The following LONP2 variants were observed in gnomAD, a reference collection of about 807,000 sequenced individuals.
The protein encoded by LONP2 is lon protease homolog 2, peroxisomal.
A neutral mutation model predicts 85.6 loss-of-function variants in LONP2; 60 were observed. That is an observed-to-expected ratio of 0.70 (90% confidence interval 0.57 to 0.87). The LOEUF (loss-of-function observed/expected upper bound fraction) is 0.87. Ranked by LOEUF, LONP2 falls within the 40% of genes least tolerant of loss-of-function variation. The pLI, the probability that LONP2 is intolerant of heterozygous loss-of-function variation, is 0.00. For synonymous variants in LONP2, 395 were observed against 389.7 expected, an observed-to-expected ratio of 1.01 and a Z score of -0.16; for missense variants, 860 against 1,063.5, an observed-to-expected ratio of 0.81 and a Z score of 2.66.
intron 4 of LONP2, among the ~76,000 whole-genome samples, chr16:48,259,313 T>C (rs867541067): frequency 6.6e-6 from 1 of 152,352 alleles, no homozygotes; most frequent in Middle Eastern, 3.4e-3. Flanking sequence ...ACAGCAGTTG[T>C]ATTTTTCCCT....
At chr16:48,331,084 G>T (rs1297603110) in intron 11 of LONP2, among the ~76,000 whole-genome samples, 1 of 152,230 alleles carries the variant, frequency 6.6e-6, no homozygotes, top group Non-Finnish European at 1.5e-5. Flanking sequence ...AAGCACCACA[G>T]ACTAGAGAAA....
At chr16:48,297,814 C>T (rs1383348765) in intron 9 of LONP2, among the ~76,000 whole-genome samples, 2 of 152,032 alleles carry the variant, frequency 1.3e-5, no homozygotes, top group Non-Finnish European at 2.9e-5. Flanking sequence ...ATTCTCTTGC[C>T]TCAGCCTCAC....
intron 11 of LONP2, among the ~76,000 whole-genome samples, chr16:48,315,020 C>T (rs563296840): frequency 6.6e-6 from 1 of 152,236 alleles, no homozygotes; most frequent in East Asian, 1.9e-4. Context: ...CTAGGACCTC[C>T]TGGGAAATGC....
chr16:48,310,665 C>G (rs1251477486), intron 11 of LONP2, among the ~76,000 whole-genome samples: 1 of 152,064 alleles, frequency 6.6e-6, no homozygotes, highest in East Asian at 1.9e-4. Flanking sequence ...TTTGTAGATT[C>G]TTTGTTTGTT....
At chr16:48,311,477 T>C (rs1215420996) in intron 11 of LONP2, among the ~76,000 whole-genome samples, 3 of 151,960 alleles carry the variant, frequency 2.0e-5, no homozygotes. Flanking sequence ...TTATAATTCC[T>C]TCAATGAATT....
At chr16:48,299,913 T>A in intron 10 of LONP2, 125 bp downstream of exon 10, 2 of 945,258 alleles carry the variant, frequency 2.1e-6, no homozygotes, top group Admixed American at 2.9e-5. Flanking sequence ...CACAGTCTCC[T>A]GAAAAGGAGA....
rs773555664 is a variant in LONP2 at position 48,347,629 on chromosome 16, C to G, written c.2061C>G (p.Gly687=). Residue 687 remains glycine (G), a synonymous_variant, in exon 13 of 15, where the codon GGC becomes GGG. Transcript: ENST00000285737. The part of the protein sequence containing the change: ...MDGEGQLTLT[G]QLGDVMKESA... ...GCGAGGGCCAGTTAACTCTGACCGG[C>G]CAGCTCGGGGACGTGATGAAGGAGT... The G allele has an allele frequency of 1.2e-6, 2 of 1,614,228 alleles. No homozygotes were observed. Among genetic ancestry groups the G allele is most frequent in the Admixed American group, 3.3e-5 (2 of 60,026 alleles).
chr16:48,343,336 G>A (rs150027816), intron 12 of LONP2, among the ~76,000 whole-genome samples: 4 of 152,318 alleles, frequency 2.6e-5, no homozygotes, highest in South Asian at 4.1e-4. Context: ...TAAGAGGGAA[G>A]AGTAGTGTGA....
At chr16:48,283,155 A>G (rs1972366146) in intron 8 of LONP2, among the ~76,000 whole-genome samples, 1 of 152,244 alleles carries the variant, frequency 6.6e-6, no homozygotes, top group African/African-American at 2.4e-5. Flanking sequence ...TGAAGCTAAC[A>G]GAAGTTGGTT....
At position 48,351,776 on chromosome 16, in the gene LONP2, C is replaced by T. The variant is rs1002981516; in HGVS notation, c.2533C>T (p.Pro845Ser). The T allele has an allele frequency of 3.1e-6, 5 of 1,613,880 alleles. No homozygotes were observed. Among genetic ancestry groups the T allele is most frequent in the Non-Finnish European group, 4.2e-6 (5 of 1,179,788 alleles). Residue 845 changes from proline (P) to serine (S), a missense_variant, in exon 15 of 15, where the codon CCT becomes TCT. Coordinates refer to ENST00000285737, the MANE Select transcript of LONP2 (RefSeq NM_031490.5). ...TGGTGGCTTTACTGTCAAGACCAGA[C>T]CTGGTCTGTTAAATAGCAAACTGTA... ...FDGGFTVKTR[P>S]GLLNSKL
chr16:48,302,830 T>C (rs1972834340), intron 10 of LONP2, among the ~76,000 whole-genome samples: 1 of 152,226 alleles, frequency 6.6e-6, no homozygotes. Flanking sequence ...ACAAATTTTG[T>C]TTAAGAAAAC....
chr16:48,266,222 C>T (rs780008448), intron 6 of LONP2, among the ~76,000 whole-genome samples: 12 of 152,004 alleles, frequency 7.9e-5, no homozygotes, highest in Non-Finnish European at 1.3e-4. Flanking sequence ...ACAGGCTAGT[C>T]TCGAACTCTT....
At chr16:48,333,583 G>A (rs764312257) in intron 11 of LONP2, among the ~76,000 whole-genome samples, 11 of 151,584 alleles carry the variant, frequency 7.3e-5, no homozygotes, top group Non-Finnish European at 5.9e-5. Context: ...AGTGAGGATC[G>A]CTTGAGCCCA....
At chr16:48,263,565 A>G (rs1443720865) in intron 6 of LONP2, among the ~76,000 whole-genome samples, 1 of 152,158 alleles carries the variant, frequency 6.6e-6, no homozygotes, top group African/African-American at 2.4e-5. Context: ...ATAATATTCC[A>G]TTGTGTGTCT....
In LONP2 at chr16:48,270,026, C is replaced by T; in HGVS notation, c.993C>T (p.Asp331=). The T allele has an allele frequency of 1.2e-6, 2 of 1,613,516 alleles. No individual in the cohort carries two copies. The highest frequency in any genetic ancestry group is 1.7e-6 in the Non-Finnish European group (2 of 1,179,722). The change falls in exon 7 of 15, where the codon GAC becomes GAT. Residue 331 remains aspartate (D), a synonymous_variant. Transcript: ENST00000285737. ...PWNKSTTDRL[D]IRAARILLDN... Reference sequence around the variant, plus strand: ...TGGGTTATTTGACAGACCGCCTGGACATTAGGGCAGCCCGGATTCTTCTGG... The same window carrying T: ...TGGGTTATTTGACAGACCGCCTGGATATTAGGGCAGCCCGGATTCTTCTGG...
At chr16:48,245,606 G>A (rs755783491) in intron 1 of LONP2, among the ~76,000 whole-genome samples, 2 of 152,052 alleles carry the variant, frequency 1.3e-5, no homozygotes, top group Non-Finnish European at 2.9e-5. Context: ...TAGCCCCTCC[G>A]TCCCAGGGAA....
Position 48,299,703 on chromosome 16 carries a change from T to C in LONP2, c.1576T>C (p.Leu526=). The C allele has an allele frequency of 6.2e-7, 1 of 1,614,014 alleles. No individual in the cohort carries two copies. Among genetic ancestry groups the C allele is most frequent in the Non-Finnish European group, 8.5e-7 (1 of 1,179,932 alleles). Residue 526 remains leucine, a synonymous_variant, in exon 10 of 15, where the codon TTG becomes CTG. Coordinates refer to ENST00000285737, the MANE Select transcript of LONP2 (RefSeq NM_031490.5). ...EEKIEIAHRH[L]IPKQLEQHGL... ...GAAGATAGAGATTGCCCATAGGCAC[T>C]TGATCCCCAAGCAGCTGGAACAACA...
At chr16:48,334,380 T>C in intron 12 of LONP2, 22 bp downstream of exon 12, 1 of 1,614,084 alleles carries the variant, frequency 6.2e-7, no homozygotes, top group Non-Finnish European at 8.5e-7. Context: ...TTTTTATTTC[T>C]TTTTGCTCCA....
intron 11 of LONP2, among the ~76,000 whole-genome samples, chr16:48,315,209 A>G (rs1408877487): frequency 1.3e-5 from 2 of 152,200 alleles, no homozygotes; most frequent in Admixed American, 6.5e-5. Flanking sequence ...AATTCTCAAC[A>G]TTCTCCAGTA....
Sources: allele counts gnomAD v4.1 joint callset (sites outside exome capture counted in the v4.1 genomes callset), GRCh38; gene constraint gnomAD v4.1.1; transcripts MANE v1.5; gene names NCBI Gene and HGNC (gene_info 2026-07-23, HGNC 2026-07-21).